Variants in NADK2 observed in about 807,000 individuals in gnomAD.
The protein encoded by NADK2 is NAD kinase domain-containing protein 1, mitochondrial.
A neutral mutation model predicts 62.1 loss-of-function variants in NADK2; 35 were observed. That is an observed-to-expected ratio of 0.56 (90% CI 0.43 to 0.75). The LOEUF is 0.75. Ranked by LOEUF, NADK2 falls within the 30% of genes least tolerant of loss-of-function variation. The pLI is 0.00. For missense variants in NADK2, 439 were observed against 561.3 expected, an observed-to-expected ratio of 0.78 and a Z score of 2.20; for synonymous variants, 205 against 207.9, an observed-to-expected ratio of 0.99 and a Z score of 0.12.
At chr5:36,227,359 A>G (rs1747520455) in intron 2 of NADK2, 118 bp downstream of exon 2, 1 of 436,266 alleles carries the variant, frequency 2.3e-6, no homozygotes, top group Non-Finnish European at 3.9e-6. Context: ...TAATTTTCTG[A>G]AAATGATTTT....
chr5:36,193,675 A>C lies in NADK2; in HGVS notation c.*1469T>G, dbSNP rs1746113606. On this transcript the variant is annotated 3_prime_UTR_variant, in exon 12 of 12. Coordinates refer to ENST00000381937, the MANE Select transcript of NADK2 (RefSeq NM_001085411.3). ...TATGAATGTCTACGCAGATACTTTA[A>C]GAAAAATTGATTCTCTGGATATACA... 6.6e-6 allele frequency: 1 copy of C among 152,388 alleles called. No individual in the cohort carries two copies. Among genetic ancestry groups the C allele is most frequent in the South Asian group, 2.1e-4 (1 of 4,824 alleles). 9.4% of individuals were successfully genotyped at this position (152,388 alleles called of 1,614,324 possible).
At chr5:36,217,489 C>T (rs539422566) in intron 6 of NADK2, among the ~76,000 whole-genome samples, 1 of 152,120 alleles carries the variant, frequency 6.6e-6, no homozygotes, top group Admixed American at 6.5e-5. Flanking sequence ...TTTTCTCAAA[C>T]ATCAACTATC....
At chr5:36,219,734 A>C (rs1247727314) in intron 4 of NADK2, 55 bp from the exon 5 acceptor site, 10 of 1,391,110 alleles carry the variant, frequency 7.2e-6, no homozygotes, top group African/African-American at 1.4e-5. Flanking sequence ...AAAAAGGTGA[A>C]GCAAAAAAAT....
At chr5:36,233,296 T>G (rs1303360688) in intron 1 of NADK2, among the ~76,000 whole-genome samples, 1 of 152,188 alleles carries the variant, frequency 6.6e-6, no homozygotes, top group Non-Finnish European at 1.5e-5. Flanking sequence ...GGGCGTCGTA[T>G]GAAAACAAAA....
chr5:36,219,474 G>A (rs1364310560), intron 5 of NADK2, 122 bp downstream of exon 5: 3 of 792,296 alleles, frequency 3.8e-6, no homozygotes, highest in Non-Finnish European at 6.1e-6. Flanking sequence ...GCCTCCCAAA[G>A]TACTGGGATT....
At chr5:36,207,592 C>G (rs1032581023) in intron 7 of NADK2, among the ~76,000 whole-genome samples, 2 of 152,004 alleles carry the variant, frequency 1.3e-5, no homozygotes, top group African/African-American at 2.4e-5. Flanking sequence ...TATACAGAGC[C>G]TCATTTCTGA....
intron 4 of NADK2, among the ~76,000 whole-genome samples, chr5:36,222,679 A>G (rs1747317518): frequency 6.6e-6 from 1 of 152,206 alleles, no homozygotes; most frequent in Non-Finnish European, 1.5e-5. Context: ...AAGAAGACTA[A>G]GGCAATGTGT....
intron 1 of NADK2, among the ~76,000 whole-genome samples, chr5:36,234,352 G>A (rs62356071): frequency 3.9e-5 from 5 of 128,556 alleles, no homozygotes; most frequent in African/African-American, 6.1e-5. Flanking sequence ...CAGCCTGGGC[G>A]ACAGAGCGAA....
chr5:36,200,165 C>T, intron 10 of NADK2, 62 bp downstream of exon 10: 1 of 1,223,318 alleles, frequency 8.2e-7, no homozygotes, highest in Non-Finnish European at 1.1e-6. Context: ...ACACTTCACA[C>T]TATCATCCTT....
chr5:36,214,634 G>GT (rs1174723209), intron 6 of NADK2, among the ~76,000 whole-genome samples: 4 of 152,148 alleles, frequency 2.6e-5, no homozygotes, highest in South Asian at 2.1e-4. Context: ...ACTTGCACTA[G>GT]GTGGAGCCAT....
At chr5:36,217,943 A>G (rs1458916696) in intron 5 of NADK2, 59 bp from the exon 6 acceptor site, 3 of 1,459,048 alleles carry the variant, frequency 2.1e-6, no homozygotes, top group South Asian at 1.3e-5. Flanking sequence ...AAGAGTAGAC[A>G]TTATAATAAT....
chr5:36,219,824 A>G, intron 4 of NADK2, 145 bp from the exon 5 acceptor site: 2 of 606,148 alleles, frequency 3.3e-6, no homozygotes, highest in East Asian at 2.9e-5. Flanking sequence ...ATTTTTTGCC[A>G]CAAAATTGTG....
chr5:36,214,337 C>T (rs1176790527), intron 6 of NADK2, among the ~76,000 whole-genome samples: 3 of 152,074 alleles, frequency 2.0e-5, no homozygotes, highest in African/African-American at 7.2e-5. Context: ...TGCGCCACCA[C>T]GCCTGGCTAA....
intron 6 of NADK2, among the ~76,000 whole-genome samples, chr5:36,216,909 AG>A (rs1277568738): frequency 8.5e-5 from 13 of 152,222 alleles, no homozygotes; most frequent in South Asian, 4.1e-4. Flanking sequence ...TAATTTCTTA[AG>A]ATTTTTTTAA....
intron 7 of NADK2, among the ~76,000 whole-genome samples, chr5:36,209,178 A>G (rs1283022251): frequency 3.9e-5 from 6 of 152,154 alleles, no homozygotes; most frequent in African/African-American, 1.4e-4. Flanking sequence ...CTTACTTAGT[A>G]AAAACATAAG....
rs1386436082 is a variant in NADK2 at position 36,241,721 on chromosome 5, C to G, written c.78G>C (p.Pro26=). The change falls in exon 1 of 12, where the codon CCG becomes CCC. Residue 26 remains proline, a synonymous_variant. Transcript: ENST00000381937. The surrounding 1 kb of genome is among the most constrained non-coding windows in gnomAD (Gnocchi z 4.9). ...GCCGCGCGGCGGGGCCTCCCGCACCCGGTCCCCGCAGCGCCGCCGCCCGGC... is the reference window on the plus strand; with the variant it reads ...GCCGCGCGGCGGGGCCTCCCGCACCGGGTCCCCGCAGCGCCGCCGCCCGGC... The part of the protein sequence containing the change: ...AGGRAAALRG[P]GAGGPAARPR... The G allele has an allele frequency of 8.5e-7, 1 of 1,181,630 alleles. No individual in the cohort carries two copies. The highest frequency in any genetic ancestry group is 1.0e-6 in the Non-Finnish European group (1 of 957,414). The allele number at this position is 1,181,630 out of a possible 1,614,324, so 73.2% of individuals were successfully genotyped here.
chr5:36,231,453 T>C (rs939527792), intron 1 of NADK2, among the ~76,000 whole-genome samples: 5 of 152,214 alleles, frequency 3.3e-5, no homozygotes, highest in Non-Finnish European at 5.9e-5. Flanking sequence ...TCAACATTCA[T>C]TTAGAGAATG....
intron 8 of NADK2, among the ~76,000 whole-genome samples, 171 bp from the exon 9 acceptor site, chr5:36,201,332 G>C (rs1417404482): frequency 6.6e-6 from 1 of 152,066 alleles, no homozygotes; most frequent in African/African-American, 2.4e-5. Flanking sequence ...GATGAGACAA[G>C]TATTTTCATA....
intron 6 of NADK2, among the ~76,000 whole-genome samples, chr5:36,214,444 T>A (rs759652692): frequency 3.9e-4 from 59 of 152,318 alleles, no homozygotes; most frequent in Non-Finnish European, 7.4e-4. Context: ...CCTCTCAAAG[T>A]GCTGGAATTA....
Sources: gnomAD v4.1 joint callset for allele counts (sites outside exome capture counted in the v4.1 genomes callset) on GRCh38, gnomAD v4.1.1 for gene constraint, Gnocchi (gnomAD v3.1) non-coding constraint, MANE v1.5 for transcripts, NCBI Gene and HGNC (gene_info 2026-07-23, HGNC 2026-07-21) for gene names.